The following KCNIP4 variants were observed in gnomAD, a reference collection of about 807,000 sequenced individuals.
KCNIP4 encodes the protein Kv channel-interacting protein 4.
KCNIP4 carries 12 observed loss-of-function variants against 34.0 expected under a neutral mutation model. That is an observed-to-expected ratio of 0.35 (90% CI 0.23 to 0.57). The LOEUF (loss-of-function observed/expected upper bound fraction) is 0.57, where lower values mean the gene tolerates loss of function less well. KCNIP4 is among the 20% of genes least tolerant of loss of function. KCNIP4 has a pLI of 0.83. For missense variants in KCNIP4, 238 were observed against 311.7 expected (o/e 0.76, Z 1.78); for synonymous variants, 124 against 102.2 (o/e 1.21, Z -1.29).
intron 1 of KCNIP4, among the ~76,000 whole-genome samples, chr4:21,261,553 A>G (rs1034351570): frequency 6.6e-6 from 1 of 152,206 alleles, no homozygotes; most frequent in Admixed American, 6.5e-5. Flanking sequence ...AAGATTATTT[A>G]TTAACCTTAG....
At chr4:21,860,046 C>T (rs1177404729) in intron 1 of KCNIP4, among the ~76,000 whole-genome samples, 1 of 152,198 alleles carries the variant, frequency 6.6e-6, no homozygotes, top group Admixed American at 6.5e-5. Flanking sequence ...ATCTAAAAAA[C>T]ATCAACTGAT....
chr4:20,883,077 T>C (rs1724899650), intron 1 of KCNIP4, among the ~76,000 whole-genome samples: 2 of 149,742 alleles, frequency 1.3e-5, no homozygotes, highest in Admixed American at 6.7e-5. Flanking sequence ...GTTAACTGGA[T>C]TGAAATTTCA....
chr4:21,080,854 T>C (rs1745943231), intron 1 of KCNIP4, among the ~76,000 whole-genome samples: 1 of 151,848 alleles, frequency 6.6e-6, no homozygotes, highest in Non-Finnish European at 1.5e-5. Flanking sequence ...AACAAAATCA[T>C]TCACTATTCA....
chr4:21,948,067 G>C (rs1678319516), intron 1 of KCNIP4, among the ~76,000 whole-genome samples: 1 of 152,184 alleles, frequency 6.6e-6, no homozygotes, highest in African/African-American at 2.4e-5. Flanking sequence ...CAAGCCATAC[G>C]CTCCTGCTTT....
rs185114694 is a variant in KCNIP4, at chr4:20,734,983, G to A, written c.430-248C>T. Reference sequence around the variant, plus strand: ...GTCATACTGGAAATTGTACCAGTGCGTACCCACACAGCTAGAGGCTTGAGT... The same window carrying A: ...GTCATACTGGAAATTGTACCAGTGCATACCCACACAGCTAGAGGCTTGAGT... On this transcript the variant is annotated intron_variant, in intron 5 of 8. Transcript: ENST00000382152. Among the ~76,000 whole-genome samples the A allele has an allele frequency of 3.4e-4, 52 of 152,168 alleles. 1 individual carries two copies. The highest frequency in any genetic ancestry group is 5.9e-4 in the Non-Finnish European group (40 of 68,008).
At chr4:21,208,860 G>A (rs1015235797) in intron 1 of KCNIP4, among the ~76,000 whole-genome samples, 6 of 152,240 alleles carry the variant, frequency 3.9e-5, no homozygotes, top group Middle Eastern at 3.4e-3. Flanking sequence ...CAAAGGGGTA[G>A]CAAGACACCT....
intron 3 of KCNIP4, among the ~76,000 whole-genome samples, chr4:20,803,209 G>A (rs1457652984): frequency 6.7e-6 from 1 of 148,594 alleles, no homozygotes; most frequent in African/African-American, 2.5e-5. Flanking sequence ...AAAAAAAGAA[G>A]AAAGATCTCA....
chr4:20,945,097 A>T (rs1408376660), intron 1 of KCNIP4, among the ~76,000 whole-genome samples: 1 of 152,052 alleles, frequency 6.6e-6, no homozygotes, highest in Non-Finnish European at 1.5e-5. Flanking sequence ...CCAATGTCTC[A>T]CTCTCCAGAG....
intron 1 of KCNIP4, among the ~76,000 whole-genome samples, chr4:20,936,900 A>T (rs1346784948): frequency 1.3e-5 from 2 of 152,202 alleles, no homozygotes; most frequent in Non-Finnish European, 2.9e-5. Context: ...TACTCTGCGC[A>T]TCTGCCCTGT....
rs192194523 is a variant in KCNIP4, at chr4:21,390,259, T to C, written c.62-507550A>G. Among the ~76,000 whole-genome samples, 230 of 152,344 alleles carry C rather than the reference T, an allele frequency of 1.5e-3. 1 individual carries two copies. Among genetic ancestry groups the C allele is most frequent in the African/African-American group, 5.2e-3 (215 of 41,582 alleles). ...GTCTCCCATTCTATAGGTTGCCTGTTCACTCTGACGGTGGTTTCTTTTGCT... is the reference window on the plus strand; with the variant it reads ...GTCTCCCATTCTATAGGTTGCCTGTCCACTCTGACGGTGGTTTCTTTTGCT... On this transcript the variant is annotated intron_variant, in intron 1 of 8. Coordinates refer to ENST00000382152, the MANE Select transcript of KCNIP4 (RefSeq NM_025221.6).
intron 1 of KCNIP4, among the ~76,000 whole-genome samples, chr4:21,130,552 C>A (rs1372998791): frequency 6.6e-6 from 1 of 152,134 alleles, no homozygotes; most frequent in Non-Finnish European, 1.5e-5. Context: ...AACATGAAGA[C>A]AAGCCATGGA....
intron 1 of KCNIP4, among the ~76,000 whole-genome samples, chr4:21,356,421 C>T (rs575982687): frequency 3.9e-4 from 60 of 152,270 alleles, no homozygotes; most frequent in Non-Finnish European, 4.4e-5. Flanking sequence ...AAAACCCCAT[C>T]GTCTCAGCCC....
At chr4:20,754,302 CAG>C (rs1000881749) in intron 4 of KCNIP4, among the ~76,000 whole-genome samples, 36 of 152,128 alleles carry the variant, frequency 2.4e-4, no homozygotes, top group African/African-American at 7.7e-4. Flanking sequence ...ATACAAATTG[CAG>C]AGAGTTCTGT....
chr4:21,634,167 T>C (rs1745950908), intron 1 of KCNIP4, among the ~76,000 whole-genome samples: 1 of 149,350 alleles, frequency 6.7e-6, no homozygotes, highest in South Asian at 2.1e-4. Context: ...CAGAAGTTAC[T>C]ATGTTATCCA....
intron 1 of KCNIP4, among the ~76,000 whole-genome samples, chr4:20,951,930 A>G (rs1409156902): frequency 6.6e-6 from 1 of 152,216 alleles, no homozygotes; most frequent in Non-Finnish European, 1.5e-5. Flanking sequence ...AATTTGTTAA[A>G]AGGCAAAGTT....
At chr4:20,829,060 C>T (rs1187368664) in intron 3 of KCNIP4, among the ~76,000 whole-genome samples, 11 of 152,068 alleles carry the variant, frequency 7.2e-5, no homozygotes, top group African/African-American at 1.4e-4. Flanking sequence ...AGAGAAGATA[C>T]GCTATAAACC....
chr4:20,808,161 C>T (rs1002053546), intron 3 of KCNIP4, among the ~76,000 whole-genome samples: 2 of 152,144 alleles, frequency 1.3e-5, no homozygotes, highest in African/African-American at 4.8e-5. Context: ...CCCTGCTACA[C>T]AACTAAAGGT....
intron 1 of KCNIP4, among the ~76,000 whole-genome samples, chr4:21,666,274 T>C (rs1208474786): frequency 2.6e-5 from 4 of 152,242 alleles, no homozygotes; most frequent in South Asian, 2.1e-4. Context: ...TATGATACTT[T>C]GTACATAACC....
intron 1 of KCNIP4, among the ~76,000 whole-genome samples, chr4:21,805,974 C>G (rs1721268368): frequency 6.6e-6 from 1 of 152,188 alleles, no homozygotes; most frequent in Non-Finnish European, 1.5e-5. Context: ...ACAAATGGAG[C>G]TGCTTTTCCT....
Sources: gnomAD v4.1 joint callset for allele counts (sites outside exome capture counted in the v4.1 genomes callset) on GRCh38, gnomAD v4.1.1 for gene constraint, MANE v1.5 for transcripts, NCBI Gene and HGNC (gene_info 2026-07-23, HGNC 2026-07-21) for gene names.